The following CCDC178 variants were observed in gnomAD, a reference collection of about 807,000 sequenced individuals.
The protein encoded by CCDC178 is coiled-coil domain containing 178.
CCDC178 carries 126 observed loss-of-function variants against 117.4 expected under a neutral mutation model. That is an observed-to-expected ratio of 1.07 (90% CI 0.93 to 1.24). The LOEUF is 1.24. CCDC178 is among the 50% of genes most tolerant of loss of function. The pLI, the probability that CCDC178 is intolerant of heterozygous loss-of-function variation, is 0.00. For synonymous variants in CCDC178, 283 were observed against 313.4 expected, an observed-to-expected ratio of 0.90 and a Z score of 1.02; for missense variants, 1,030 against 986.9, an observed-to-expected ratio of 1.04 and a Z score of -0.59.
At chr18:33,211,799 C>T (rs1269935739) in intron 20 of CCDC178, 97 bp downstream of exon 20, 8 of 927,996 alleles carry the variant, frequency 8.6e-6, no homozygotes, top group Middle Eastern at 2.7e-4. Context: ...AATCTTAACA[C>T]CCTTGCTACT....
At chr18:33,336,482 A>G (rs11081801) in intron 9 of CCDC178, among the ~76,000 whole-genome samples, 64,740 of 151,960 alleles carry the variant, frequency 0.43, 15,364 homozygotes, top group African/African-American at 0.65. Flanking sequence ...ACTTGTCAGC[A>G]TATTTTAAAT....
chr18:32,970,543 A>G (rs1228278444), intron 22 of CCDC178, among the ~76,000 whole-genome samples: 1 of 152,000 alleles, frequency 6.6e-6, no homozygotes, highest in African/African-American at 2.4e-5. Context: ...AATGAAAACC[A>G]ATAGCATCTG....
chr18:32,983,371 C>G (rs1568197265), intron 21 of CCDC178: 3 of 1,415,908 alleles, frequency 2.1e-6, no homozygotes, highest in Non-Finnish European at 2.9e-6. Context: ...AGAAATATTA[C>G]AAATATTACA....
chr18:33,397,115 G>C (rs1568200524), intron 4 of CCDC178, 34 bp downstream of exon 4: 2 of 1,343,200 alleles, frequency 1.5e-6, no homozygotes, highest in Non-Finnish European at 2.1e-6. Flanking sequence ...ACAGAAAAAA[G>C]AGATGAAAAT....
chr18:33,431,030 G>A (rs1203669750), intron 2 of CCDC178, among the ~76,000 whole-genome samples: 5 of 148,208 alleles, frequency 3.4e-5, no homozygotes, highest in African/African-American at 1.2e-4. Context: ...AGCCGAGATC[G>A]CGCCACTGCA....
chr18:33,027,191 A>C (rs1395027132), intron 21 of CCDC178, among the ~76,000 whole-genome samples: 3 of 151,800 alleles, frequency 2.0e-5, no homozygotes, highest in Non-Finnish European at 4.4e-5. Flanking sequence ...CCAAGAATAC[A>C]TGTTATGATA....
At chr18:33,370,819 C>T (rs1197069427) in intron 5 of CCDC178, among the ~76,000 whole-genome samples, 6 of 151,968 alleles carry the variant, frequency 3.9e-5, no homozygotes, top group Non-Finnish European at 1.5e-5. Flanking sequence ...CCACTCAGTC[C>T]GATGTGCCTC....
rs910866956 is a variant in CCDC178 at position 33,280,430 on chromosome 18, A to G, written c.1176+12729T>C. Among the ~76,000 whole-genome samples the G allele has an allele frequency of 4.6e-5, 7 of 151,372 alleles. No individual in the cohort carries two copies. The South Asian group carries it at 6.3e-4, about 14-fold the overall frequency. ...ACCATCTCACACCAGTTAGAATGGC[A>G]ATCATTAAAAAGTCAGGAAACAACA... On this transcript the variant is annotated intron_variant, in intron 12 of 22. Coordinates refer to ENST00000383096, the MANE Select transcript of CCDC178 (RefSeq NM_001105528.4).
intron 14 of CCDC178, among the ~76,000 whole-genome samples, chr18:33,264,764 G>A (rs2059793202): frequency 6.6e-6 from 1 of 152,036 alleles, no homozygotes; most frequent in South Asian, 2.1e-4. Flanking sequence ...AATGTGAGTG[G>A]TATTAACATG....
At chr18:32,945,801 T>A (rs1221123446) in intron 22 of CCDC178, among the ~76,000 whole-genome samples, 2 of 152,168 alleles carry the variant, frequency 1.3e-5, no homozygotes, top group Non-Finnish European at 2.9e-5. Flanking sequence ...GACTATAACT[T>A]CTTTTATATT....
At chr18:32,956,317 C>T (rs889838383) in intron 22 of CCDC178, among the ~76,000 whole-genome samples, 3 of 152,012 alleles carry the variant, frequency 2.0e-5, no homozygotes, top group Admixed American at 6.6e-5. Flanking sequence ...TTATTTTTTA[C>T]GTAACTAAGA....
chr18:33,327,547 G>T (rs1301350933), intron 10 of CCDC178, among the ~76,000 whole-genome samples: 1 of 152,106 alleles, frequency 6.6e-6, no homozygotes, highest in Non-Finnish European at 1.5e-5. Flanking sequence ...TTCCATAGCG[G>T]CTGCACTATT....
chr18:33,043,842 A>C (rs2056593839), intron 21 of CCDC178, among the ~76,000 whole-genome samples: 1 of 151,990 alleles, frequency 6.6e-6, no homozygotes, highest in South Asian at 2.1e-4. Context: ...CATTTAGCAC[A>C]TTTTATCCTC....
chr18:33,013,109 C>G (rs930985367), intron 21 of CCDC178, among the ~76,000 whole-genome samples: 2 of 152,082 alleles, frequency 1.3e-5, no homozygotes, highest in African/African-American at 4.8e-5. Flanking sequence ...TTATAATCTC[C>G]TAAATAAACC....
chr18:33,020,116 GTT>G (rs974063654), intron 21 of CCDC178, among the ~76,000 whole-genome samples: 3 of 135,660 alleles, frequency 2.2e-5, no homozygotes, highest in Admixed American at 7.4e-5. Flanking sequence ...CGGATAATTG[GTT>G]TTTTTTTTTT....
intron 14 of CCDC178, among the ~76,000 whole-genome samples, chr18:33,256,116 A>G (rs752347197): frequency 8.5e-5 from 13 of 152,088 alleles, no homozygotes; most frequent in Non-Finnish European, 1.8e-4. Flanking sequence ...AAAATGATTA[A>G]TAGTGAAAGA....
intron 20 of CCDC178, among the ~76,000 whole-genome samples, chr18:33,098,855 G>A (rs571539082): frequency 9.9e-5 from 15 of 151,974 alleles, no homozygotes; most frequent in African/African-American, 3.1e-4. Flanking sequence ...ATTCCTGTTC[G>A]CCAAGGATTA....
At chr18:33,415,068 T>A (rs1036320139) in intron 2 of CCDC178, among the ~76,000 whole-genome samples, 1 of 152,156 alleles carries the variant, frequency 6.6e-6, no homozygotes, top group African/African-American at 2.4e-5. Flanking sequence ...CTGGAGAGGA[T>A]GGGGAGAAAT....
chr18:33,049,467 C>T (rs2056704737), intron 21 of CCDC178, among the ~76,000 whole-genome samples: 1 of 151,628 alleles, frequency 6.6e-6, no homozygotes, highest in Non-Finnish European at 1.5e-5. Context: ...ATCTTTTTAC[C>T]CTGTTTTGTT....
Sources: allele counts gnomAD v4.1 joint callset (sites outside exome capture counted in the v4.1 genomes callset), GRCh38; gene constraint gnomAD v4.1.1; transcripts MANE v1.5; gene names NCBI Gene and HGNC (gene_info 2026-07-23, HGNC 2026-07-21).